Variants in ABL1 observed in about 807,000 individuals in gnomAD.
The protein encoded by ABL1 is tyrosine-protein kinase ABL1.
In ABL1, 11 loss-of-function variants were observed where a neutral mutation model predicts 94.7. The ratio of observed to expected loss-of-function variants is 0.12; its 90% CI spans 0.07 to 0.19. ABL1 has a LOEUF of 0.19. Among genes scored for constraint, ABL1 ranks in the 10% least tolerant of loss-of-function variants. The probability of loss-of-function intolerance (pLI) is 1.00; values close to 1 mark genes in which losing one functional copy is unlikely to be tolerated. For missense variants in ABL1, 1,082 were observed against 1,489.4 expected (o/e 0.73, Z 4.50); for synonymous variants, 656 against 622.4 (o/e 1.05, Z -0.80).
chr9:130,723,205 C>A (rs1831537853), intron 1 of ABL1, among the ~76,000 whole-genome samples: 1 of 152,130 alleles, frequency 6.6e-6, no homozygotes, highest in African/African-American at 2.4e-5. Flanking sequence ...TCGTCCCTGC[C>A]TTTTTGGTAG....
At chr9:130,825,360 T>G (rs904935317) in intron 1 of ABL1, among the ~76,000 whole-genome samples, 1 of 152,230 alleles carries the variant, frequency 6.6e-6, no homozygotes, top group African/African-American at 2.4e-5. Context: ...GCTCTGCTGC[T>G]TTTGCAGATT....
At chr9:130,790,768 C>T (rs1041410597) in intron 1 of ABL1, among the ~76,000 whole-genome samples, 13 of 151,962 alleles carry the variant, frequency 8.6e-5, no homozygotes, top group Non-Finnish European at 1.8e-4. Flanking sequence ...GCCACTGTGT[C>T]GGGCCAGCAT....
intron 1 of ABL1, among the ~76,000 whole-genome samples, chr9:130,719,587 C>T (rs1180704556): frequency 6.6e-6 from 1 of 152,246 alleles, no homozygotes; most frequent in South Asian, 2.1e-4. Flanking sequence ...CAACCTGTCA[C>T]TTTTTTCAGA....
intron 1 of ABL1, among the ~76,000 whole-genome samples, chr9:130,847,609 G>A (rs555391369): frequency 6.6e-6 from 1 of 152,310 alleles, no homozygotes; most frequent in East Asian, 1.9e-4. Context: ...ATTGGGAATT[G>A]ACTGGAAGGT....
At chr9:130,840,031 C>T (rs546002656) in intron 1 of ABL1, among the ~76,000 whole-genome samples, 1 of 152,286 alleles carries the variant, frequency 6.6e-6, no homozygotes, top group East Asian at 1.9e-4. Context: ...TGTTGAGAGA[C>T]TTCATGTAAA....
intron 1 of ABL1, among the ~76,000 whole-genome samples, chr9:130,757,062 A>AAG (rs1832049834): frequency 6.6e-6 from 1 of 152,162 alleles, no homozygotes; most frequent in Admixed American, 6.5e-5. Flanking sequence ...CGTCTGTGAG[A>AAG]AGGCAGTTTG....
chr9:130,752,087 T>G (rs748832204), intron 1 of ABL1, among the ~76,000 whole-genome samples: 1 of 152,222 alleles, frequency 6.6e-6, no homozygotes, highest in African/African-American at 2.4e-5. Flanking sequence ...TGTAATTTTA[T>G]GCACACTTGG....
At chr9:130,714,720 C>T (rs1298668301) in intron 1 of ABL1, among the ~76,000 whole-genome samples, 1 of 152,222 alleles carries the variant, frequency 6.6e-6, no homozygotes, top group East Asian at 1.9e-4. Context: ...AGCCACTTTA[C>T]TGTTCCAGGG....
intron 1 of ABL1, among the ~76,000 whole-genome samples, chr9:130,777,124 GT>G (rs1201439995): frequency 6.6e-6 from 1 of 152,168 alleles, no homozygotes; most frequent in Non-Finnish European, 1.5e-5. Context: ...ATGAGTTACG[GT>G]TTTTTGTAGT....
rs143997873 is a variant in ABL1 at position 130,782,851 on chromosome 9, AT to A, written c.136+68400del. Among the ~76,000 whole-genome samples, 453 of 152,210 alleles carry A rather than the reference AT, an allele frequency of 3.0e-3. 3 individuals are homozygous for A. Among genetic ancestry groups the A allele is most frequent in the African/African-American group, 0.011 (440 of 41,522 alleles). On this transcript the variant is annotated intron_variant, in intron 1 of 10. Coordinates refer to the ABL1 transcript ENST00000372348. ...ACCAAGAGCATTTATTGTTGTTTTT[AT>A]TTTCTTAAACATTTCCAATGAAAAT...
At chr9:130,797,176 C>T (rs1428058874) in intron 1 of ABL1, among the ~76,000 whole-genome samples, 2 of 119,506 alleles carry the variant, frequency 1.7e-5, no homozygotes, top group African/African-American at 6.4e-5. Context: ...GCAAAGGTTG[C>T]GGTGAGCCGA....
chr9:130,735,528 T>G (rs936569803), intron 1 of ABL1, among the ~76,000 whole-genome samples: 1 of 151,884 alleles, frequency 6.6e-6, no homozygotes, highest in Non-Finnish European at 1.5e-5. Flanking sequence ...CAAGCAAATA[T>G]ATATTTATTA....
chr9:130,724,004 G>A (rs1831547375), intron 1 of ABL1, among the ~76,000 whole-genome samples: 1 of 152,066 alleles, frequency 6.6e-6, no homozygotes, highest in Non-Finnish European at 1.5e-5. Flanking sequence ...TAGAGACCAG[G>A]TTTCACCATC....
chr9:130,835,368 G>T lies in ABL1; in HGVS notation c.-79G>T. The T allele has an allele frequency of 1.2e-6, 1 of 830,252 alleles. No homozygotes were observed. Among genetic ancestry groups the T allele is most frequent in the Non-Finnish European group, 1.5e-6 (1 of 669,396 alleles). 51.4% of individuals were successfully genotyped at this position (830,252 alleles called of 1,614,324 possible). ...GGCCGGGGGCGCCGGGGGGGCGCGC[G>T]GGCCGAGCCGGGCCTGAGCCGGGCC... On this transcript the variant is annotated 5_prime_UTR_variant, in exon 1 of 11. Coordinates refer to ENST00000318560, the MANE Select transcript of ABL1 (RefSeq NM_005157.6). This position sits in a 1 kb window ranked among gnomAD's most constrained non-coding sequence, Gnocchi z 4.6.
intron 1 of ABL1, among the ~76,000 whole-genome samples, chr9:130,767,197 C>G (rs1832194876): frequency 6.6e-6 from 1 of 152,230 alleles, no homozygotes; most frequent in South Asian, 2.1e-4. Flanking sequence ...TTCCCCTTTT[C>G]ATTTCTTTGC....
Position 130,880,005 on chromosome 9 carries a change from C to G in ABL1, c.1424-63C>G. 2 of 1,464,294 alleles carry G rather than the reference C, an allele frequency of 1.4e-6. No homozygotes were observed. Among genetic ancestry groups the G allele is most frequent in the Non-Finnish European group, 1.9e-6 (2 of 1,043,502 alleles). The allele number at this position is 1,464,294 out of a possible 1,614,324, so 90.7% of individuals were successfully genotyped here. A position where few individuals can be genotyped will look rare whatever the true frequency, so the allele number is the denominator to read the frequency against. The stretch of plus-strand genomic sequence containing the variant: ...TTCATTCTAGACTTTTCCTTGAGAA[C>G]TGCTAGCCCCGTATTGCTAGCCAGA... On this transcript the variant is annotated intron_variant, in intron 8 of 10. Transcript: ENST00000318560. This position sits in a 1 kb window ranked among gnomAD's most constrained non-coding sequence, Gnocchi z 4.4.
intron 1 of ABL1, among the ~76,000 whole-genome samples, chr9:130,734,122 A>T (rs1404539338): frequency 1.3e-5 from 2 of 152,124 alleles, no homozygotes; most frequent in African/African-American, 4.8e-5. Flanking sequence ...AAACATTTGC[A>T]TCATTGAAAT....
chr9:130,743,490 G>T (rs983399138), intron 1 of ABL1, among the ~76,000 whole-genome samples: 3 of 152,166 alleles, frequency 2.0e-5, no homozygotes, highest in Non-Finnish European at 4.4e-5. Context: ...TGGTCCTAAG[G>T]TCTCTCTCTT....
chr9:130,880,581 C>G lies in ABL1; in HGVS notation c.1595C>G (p.Thr532Arg), dbSNP rs752060211. The change falls in exon 10 of 11, where the codon ACG becomes AGG. Residue 532 changes from threonine to arginine, a missense_variant. Physicochemically the swap from Thr to Arg is moderately conservative, Grantham distance 71 (BLOSUM62 -1). Transcript: ENST00000318560. The surrounding 1 kb of genome is among the most constrained non-coding windows in gnomAD (Gnocchi z 4.4). Reference sequence around the variant, plus strand: ...CAGGCCCCAGAGCTGCCCACCAAGACGAGGACCTCCAGGAGAGCTGCAGAG... The same window carrying G: ...CAGGCCCCAGAGCTGCCCACCAAGAGGAGGACCTCCAGGAGAGCTGCAGAG... ...LLQAPELPTK[T>R]RTSRRAAEHR... 6.2e-7 allele frequency: 1 copy of G among 1,613,930 alleles called. No individual in the cohort carries two copies. The highest frequency in any genetic ancestry group is 1.7e-5 in the Admixed American group (1 of 60,010).
Sources: gnomAD v4.1 joint callset for allele counts (sites outside exome capture counted in the v4.1 genomes callset) on GRCh38, gnomAD v4.1.1 for gene constraint, Gnocchi (gnomAD v3.1) non-coding constraint, MANE v1.5 for transcripts, NCBI Gene and HGNC (gene_info 2026-07-23, HGNC 2026-07-21) for gene names.